Variants in CAD observed in about 807,000 individuals in gnomAD.
CAD encodes multifunctional protein CAD.
CAD carries 81 observed loss-of-function variants against 237.2 expected under a neutral mutation model. The ratio of observed to expected loss-of-function variants is 0.34; its 90% CI spans 0.29 to 0.41. The LOEUF is 0.41. CAD is among the 10% of genes least tolerant of loss of function. CAD has a pLI of 1.00. For synonymous variants in CAD, 1,196 were observed against 1,162.8 expected (o/e 1.03, Z -0.58); for missense variants, 2,181 against 2,951.7 (o/e 0.74, Z 6.05).
rs1336643506 is a variant in CAD at position 27,236,016 on chromosome 2, G to A, written c.4075-268G>A. ...CTTAAAATCTCTGTACCACTGTTCT[G>A]ATATTTTTCCTTCCAGGATTTTCTC... On this transcript the variant is annotated intron_variant, in intron 25 of 43. Transcript: ENST00000264705. This position sits in a 1 kb window ranked among gnomAD's most constrained non-coding sequence, Gnocchi z 4.1. The A allele has an allele frequency of 1.9e-6, 1 of 539,688 alleles. No individual in the cohort carries two copies. The highest frequency in any genetic ancestry group is 3.4e-5 in the Admixed American group (1 of 29,224). 33.4% of individuals were successfully genotyped at this position (539,688 alleles called of 1,614,324 possible). A position where few individuals can be genotyped will look rare whatever the true frequency, so the allele number is the denominator to read the frequency against.
chr2:27,237,581 A>G lies in CAD; in HGVS notation c.4563+36A>G, dbSNP rs375441408. ...GCACTCTTCCTGGTATTGGAGACCC[A>G]TATGCCCCTACCAGCCACCCTTGCT... On this transcript the variant is annotated intron_variant, in intron 28 of 43. Transcript: ENST00000264705. This position sits in a 1 kb window ranked among gnomAD's most constrained non-coding sequence, Gnocchi z 4.0. 1.9e-6 allele frequency: 3 copies of G among 1,598,598 alleles called. No homozygotes were observed. The highest frequency in any genetic ancestry group is 1.1e-5 in the South Asian group (1 of 90,050).
In CAD at chr2:27,240,425, C is replaced by CT; in HGVS notation, c.5593+65dup. The CT allele has an allele frequency of 6.6e-7, 1 of 1,517,766 alleles. No individual in the cohort carries two copies. The highest frequency in any genetic ancestry group is 9.2e-7 in the Non-Finnish European group (1 of 1,092,170). The allele number at this position is 1,517,766 out of a possible 1,614,324, so 94.0% of individuals were successfully genotyped here. On this transcript the variant is annotated intron_variant, in intron 35 of 43. Transcript: ENST00000264705. This position sits in a 1 kb window ranked among gnomAD's most constrained non-coding sequence, Gnocchi z 4.6. Reference sequence around the variant, plus strand: ...GACAGGATCCACTTCTTCCCAGTGCCTCGCCTTTCTCTACTTACATGTCCT... The same window carrying CT: ...GACAGGATCCACTTCTTCCCAGTGCCTTCGCCTTTCTCTACTTACATGTCCT...
At position 27,222,257 on chromosome 2, in the gene CAD, T is replaced by C; in HGVS notation, c.416T>C (p.Val139Ala). The change falls in exon 4 of 44, where the codon GTC becomes GCC. Residue 139 changes from valine to alanine, a missense_variant. Physicochemically the swap from Val to Ala is moderately conservative, Grantham distance 64 (BLOSUM62 0). Coordinates refer to ENST00000264705, the MANE Select transcript of CAD (RefSeq NM_004341.5). ...REQGSLLGKLVQNGTEPSSLP... is the reference protein window; with the variant it reads ...REQGSLLGKLAQNGTEPSSLP... ...CAGGGGTCTCTGCTGGGGAAGCTGG[T>C]CCAGAATGGAACAGAACCTTCATCC... 6.2e-7 allele frequency: 1 copy of C among 1,614,076 alleles called. No homozygotes were observed. Among genetic ancestry groups the C allele is most frequent in the South Asian group, 1.1e-5 (1 of 91,086 alleles).
intron 10 of CAD, 60 bp downstream of exon 10, chr2:27,224,936 T>C (rs1675358325): frequency 1.2e-6 from 2 of 1,611,334 alleles, no homozygotes; most frequent in Admixed American, 1.7e-5. Flanking sequence ...CAGTGGTCAC[T>C]GTGGGTTATT....
At chr2:27,222,106 C>A in intron 3 of CAD, 88 bp from the exon 4 acceptor site, 2 of 1,323,390 alleles carry the variant, frequency 1.5e-6, no homozygotes, top group Non-Finnish European at 2.1e-6. Context: ...GTGACTGGGG[C>A]TCTGGAATGG....
chr2:27,236,819 T>G lies in CAD; in HGVS notation c.4385T>G (p.Val1462Gly). Reference protein sequence around the residue: ...HVDCMTSQKLVRLPGLIDVHV... With the variant: ...HVDCMTSQKLGRLPGLIDVHV... ...GACTGTATGACCTCCCAAAAGCTTG[T>G]GCGACTGCCGGGTAAGTCTTTGGGG... Residue 1462 changes from valine to glycine, a missense_variant, in exon 27 of 44, where the codon GTG becomes GGG. This residue lies in a region of CAD where 306 missense variants were observed against 607.9 expected (regional missense o/e 0.50). Coordinates refer to ENST00000264705, the MANE Select transcript of CAD (RefSeq NM_004341.5). This position sits in a 1 kb window ranked among gnomAD's most constrained non-coding sequence, Gnocchi z 4.1. The G allele has an allele frequency of 6.2e-7, 1 of 1,614,104 alleles. No individual in the cohort carries two copies. The highest frequency in any genetic ancestry group is 8.5e-7 in the Non-Finnish European group (1 of 1,179,990).
chr2:27,226,874 G>C lies in CAD; in HGVS notation c.2199G>C (p.Val733=), dbSNP rs1190101884. 1 of 1,614,204 alleles carries C rather than the reference G, an allele frequency of 6.2e-7. No individual in the cohort carries two copies. Among genetic ancestry groups the C allele is most frequent in the Middle Eastern group, 1.6e-4 (1 of 6,062 alleles). The change falls in exon 15 of 44, where the codon GTG becomes GTC. Residue 733 remains valine (V), a synonymous_variant. Coordinates refer to ENST00000264705, the MANE Select transcript of CAD (RefSeq NM_004341.5). ...GTACAGCAGCCTTTGAACCCAGCGT[G>C]GATTATTGTGTGGTGAAGATTCCTC... ...TGGTAAFEPS[V]DYCVVKIPRW...
chr2:27,233,276 T>G lies in CAD; in HGVS notation c.2992-36T>G. 1.3e-6 allele frequency: 2 copies of G among 1,588,460 alleles called. No individual in the cohort carries two copies. The highest frequency in any genetic ancestry group is 1.7e-6 in the Non-Finnish European group (2 of 1,156,986). On this transcript the variant is annotated intron_variant, in intron 19 of 43. Coordinates refer to ENST00000264705, the MANE Select transcript of CAD (RefSeq NM_004341.5). This position sits in a 1 kb window ranked among gnomAD's most constrained non-coding sequence, Gnocchi z 6.3. ...GGAAGGCTCAGATTCCTGCCCTCTT[T>G]TGCTGCCACCACTTGTTTCTCCCCC...
At chr2:27,230,865 G>A (rs1399418725) in intron 15 of CAD, among the ~76,000 whole-genome samples, 1 of 152,244 alleles carries the variant, frequency 6.6e-6, no homozygotes, top group Non-Finnish European at 1.5e-5. Flanking sequence ...CCAGTATCCA[G>A]TGTATGGGGA....
Position 27,221,283 on chromosome 2 carries a change from C to T in CAD, c.288C>T (p.Ser96=). ...TGGGAGAGTGCTGTCCTACTCCCAG[C>T]CACTGGAGTGCCACCCGCACCCTGC... ...LVVGECCPTP[S]HWSATRTLHE... is the part of the protein sequence containing the mutation. The change falls in exon 3 of 44, where the codon AGC becomes AGT. Residue 96 remains serine, a synonymous_variant. Transcript: ENST00000264705. 1 of 1,593,522 alleles carries T rather than the reference C, an allele frequency of 6.3e-7. No individual in the cohort carries two copies. The highest frequency in any genetic ancestry group is 1.1e-5 in the South Asian group (1 of 87,058).
chr2:27,238,709 C>A, intron 31 of CAD, 77 bp downstream of exon 31: 2 of 1,382,820 alleles, frequency 1.4e-6, no homozygotes, highest in Non-Finnish European at 9.9e-7. Flanking sequence ...GGGAAGCAGG[C>A]CAGGCCTCAG....
intron 22 of CAD, 51 bp downstream of exon 22, chr2:27,234,277 G>A (rs1481677171): frequency 6.5e-7 from 1 of 1,532,464 alleles, no homozygotes; most frequent in Non-Finnish European, 9.0e-7. Context: ...TGCATGTTCT[G>A]TGCTGGCCAC....
rs554288905 is a variant in CAD at position 27,237,918 on chromosome 2, A to G, written c.4728+36A>G. Reference sequence around the variant, plus strand: ...TGCATGTGGCAGGAGGCCACCACCCAGTGTCTCCTGGCTTGTGGGCCCCTG... The same window carrying G: ...TGCATGTGGCAGGAGGCCACCACCCGGTGTCTCCTGGCTTGTGGGCCCCTG... On this transcript the variant is annotated intron_variant, in intron 29 of 43. Transcript: ENST00000264705. This position sits in a 1 kb window ranked among gnomAD's most constrained non-coding sequence, Gnocchi z 4.0. 3 of 1,583,300 alleles carry G rather than the reference A, an allele frequency of 1.9e-6. No homozygotes were observed. The South Asian group carries it at 3.5e-5, about 18-fold the overall frequency.
Position 27,235,397 on chromosome 2 carries a change from G to T in CAD, c.3939G>T (p.Lys1313Asn), listed in dbSNP as rs1337358132. The change falls in exon 24 of 44, where the codon AAG (lysine) becomes AAT (asparagine). Residue 1313 changes from lysine (K) to asparagine (N), a missense_variant. Coordinates refer to ENST00000264705, the MANE Select transcript of CAD (RefSeq NM_004341.5). The surrounding 1 kb of genome is among the most constrained non-coding windows in gnomAD (Gnocchi z 5.2). Reference protein sequence around the residue: ...MLSTGFKIPKKNILLTIGSYK... With the variant: ...MLSTGFKIPKNNILLTIGSYK... ...GCACTGGCTTTAAGATCCCCAAGAA[G>T]AATATCCTGCTGACCATTGGCAGCT... is the stretch of plus-strand genomic sequence containing the variant. 1.2e-6 allele frequency: 2 copies of T among 1,613,136 alleles called. No individual in the cohort carries two copies. Among genetic ancestry groups the T allele is most frequent in the African/African-American group, 2.7e-5 (2 of 75,036 alleles).
chr2:27,218,097 C>T (rs1674960468), intron 2 of CAD, 81 bp downstream of exon 2: 1 of 1,249,556 alleles, frequency 8.0e-7, no homozygotes, highest in Non-Finnish European at 1.1e-6. Flanking sequence ...GACGTTGACA[C>T]CCTGCTGGGC....
chr2:27,226,046 C>G, intron 12 of CAD, 85 bp from the exon 13 acceptor site: 1 of 1,501,524 alleles, frequency 6.7e-7, no homozygotes, highest in Non-Finnish European at 9.2e-7. Flanking sequence ...AGGTGCAGCC[C>G]CAGAGGTAAC....
chr2:27,235,459 C>G lies in CAD; in HGVS notation c.3969+32C>G. 3.1e-6 allele frequency: 5 copies of G among 1,608,196 alleles called. No homozygotes were observed. Among genetic ancestry groups the G allele is most frequent in the Non-Finnish European group, 4.3e-6 (5 of 1,175,828 alleles). On this transcript the variant is annotated intron_variant, in intron 24 of 43. Coordinates refer to ENST00000264705, the MANE Select transcript of CAD (RefSeq NM_004341.5). This position sits in a 1 kb window ranked among gnomAD's most constrained non-coding sequence, Gnocchi z 5.2. ...GAATCCAGGAGGGCTTCCCGAGGGCCGTGGCTCCCTGGGCCAGGGCTGACC... is the reference window on the plus strand; with the variant it reads ...GAATCCAGGAGGGCTTCCCGAGGGCGGTGGCTCCCTGGGCCAGGGCTGACC...
chr2:27,231,196 C>T (rs924995991), intron 15 of CAD, among the ~76,000 whole-genome samples: 27 of 152,116 alleles, frequency 1.8e-4, no homozygotes, highest in African/African-American at 6.3e-4. Context: ...TTAGTAGAGA[C>T]GGGGTTTCAC....
chr2:27,225,600 CT>C, intron 11 of CAD, 104 bp from the exon 12 acceptor site: 1 of 937,400 alleles, frequency 1.1e-6, no homozygotes, highest in Non-Finnish European at 1.7e-6. Flanking sequence ...GCGTGAGCCA[CT>C]ATGCCCAGCC....
Sources: allele counts gnomAD v4.1 joint callset (sites outside exome capture counted in the v4.1 genomes callset), GRCh38; gene constraint gnomAD v4.1.1; regional missense constraint gnomAD v4.1.1; non-coding constraint Gnocchi (gnomAD v3.1); transcripts MANE v1.5; gene names NCBI Gene and HGNC (gene_info 2026-07-23, HGNC 2026-07-21).